Variants in MIPOL1 observed in about 807,000 individuals in gnomAD.
The protein encoded by MIPOL1 is mirror-image polydactyly gene 1 protein.
In MIPOL1, 57 loss-of-function variants were observed where a neutral mutation model predicts 60.9. The ratio of observed to expected loss-of-function variants is 0.94; its 90% CI spans 0.76 to 1.17. MIPOL1 has a LOEUF of 1.17. Ranked by LOEUF, MIPOL1 falls within the 50% of genes most tolerant of loss-of-function variation. The pLI, the probability that MIPOL1 is intolerant of heterozygous loss-of-function variation, is 0.00. For missense variants in MIPOL1, 551 were observed against 511.6 expected, an observed-to-expected ratio of 1.08 and a Z score of -0.74; for synonymous variants, 179 against 168.8, an observed-to-expected ratio of 1.06 and a Z score of -0.47.
At chr14:37,379,791 T>C (rs2092878099) in intron 10 of MIPOL1, among the ~76,000 whole-genome samples, 1 of 152,084 alleles carries the variant, frequency 6.6e-6, no homozygotes, top group Admixed American at 6.6e-5. Context: ...AGCTCAGTTA[T>C]TAAGTAAAAG....
intron 11 of MIPOL1, among the ~76,000 whole-genome samples, chr14:37,459,166 C>G (rs1163659612): frequency 6.6e-6 from 1 of 151,670 alleles, no homozygotes; most frequent in African/African-American, 2.4e-5. Context: ...AATAACAAAG[C>G]TCAGAGCAGA....
chr14:37,392,331 A>G (rs1044571085), intron 10 of MIPOL1, among the ~76,000 whole-genome samples: 7 of 152,052 alleles, frequency 4.6e-5, no homozygotes, highest in Admixed American at 2.6e-4. Flanking sequence ...CACTATTACA[A>G]TGGTATTAGT....
intron 4 of MIPOL1, among the ~76,000 whole-genome samples, chr14:37,267,609 G>A (rs185477692): frequency 5.3e-4 from 80 of 152,050 alleles, no homozygotes; most frequent in African/African-American, 1.9e-3. Flanking sequence ...AGAACTTGGC[G>A]AATCTACCAG....
intron 7 of MIPOL1, among the ~76,000 whole-genome samples, chr14:37,305,762 A>T (rs536661018): frequency 6.6e-6 from 1 of 151,748 alleles, no homozygotes; most frequent in Non-Finnish European, 1.5e-5. Flanking sequence ...TCATTTTTTT[A>T]TTTTAACCAG....
In MIPOL1 at chr14:37,369,552, A is replaced by C; in HGVS notation, c.864A>C (p.Lys288Asn). The part of the protein sequence containing the change: ...KRLEQELHHV[K>N]EQNQTSANNM... ...TAGAGCAGGAGCTTCATCATGTGAAAGAGCAGAACCAGACTTCAGCAAACA... is the reference window on the plus strand; with the variant it reads ...TAGAGCAGGAGCTTCATCATGTGAACGAGCAGAACCAGACTTCAGCAAACA... The change falls in exon 10 of 13, where the codon AAA becomes AAC. Residue 288 changes from lysine to asparagine, a missense_variant. By Grantham distance (94) the Lys-to-Asn change is moderately conservative (BLOSUM62 0). Coordinates refer to ENST00000684589, the MANE Select transcript of MIPOL1 (RefSeq NM_001388067.1). 1 of 1,613,528 alleles carries C rather than the reference A, an allele frequency of 6.2e-7. No homozygotes were observed. Among genetic ancestry groups the C allele is most frequent in the Non-Finnish European group, 8.5e-7 (1 of 1,179,600 alleles).
At chr14:37,351,141 G>A (rs1446421702) in intron 9 of MIPOL1, among the ~76,000 whole-genome samples, 3 of 143,858 alleles carry the variant, frequency 2.1e-5, no homozygotes, top group Admixed American at 7.2e-5. Context: ...TCCCACCTAT[G>A]AGTGAGAATA....
chr14:37,529,501 C>T (rs1378248580), intron 12 of MIPOL1, among the ~76,000 whole-genome samples: 1 of 152,046 alleles, frequency 6.6e-6, no homozygotes, highest in Non-Finnish European at 1.5e-5. Flanking sequence ...TTAAAAGTAT[C>T]TGGTATCTTG....
At chr14:37,336,097 A>G (rs1028722560) in intron 9 of MIPOL1, among the ~76,000 whole-genome samples, 7 of 117,286 alleles carry the variant, frequency 6.0e-5, no homozygotes, top group Non-Finnish European at 8.3e-5. Context: ...TAAGGGTCCA[A>G]ATTCATGGTT....
intron 12 of MIPOL1, among the ~76,000 whole-genome samples, chr14:37,524,758 C>T (rs536834536): frequency 1.4e-4 from 21 of 151,302 alleles, no homozygotes; most frequent in African/African-American, 2.4e-4. Context: ...TTAGTAGAGA[C>T]GGGGTTTCAC....
At chr14:37,407,198 T>G (rs1367258609) in intron 10 of MIPOL1, among the ~76,000 whole-genome samples, 1 of 152,034 alleles carries the variant, frequency 6.6e-6, no homozygotes, top group Non-Finnish European at 1.5e-5. Context: ...ACCTCTGGAG[T>G]TAATGACAAT....
intron 10 of MIPOL1, among the ~76,000 whole-genome samples, chr14:37,422,090 A>G (rs1266865655): frequency 6.6e-6 from 1 of 152,074 alleles, no homozygotes; most frequent in African/African-American, 2.4e-5. Context: ...AAGTTACTTG[A>G]AAACTGTTTT....
intron 9 of MIPOL1, among the ~76,000 whole-genome samples, chr14:37,356,875 G>T (rs1380855352): frequency 6.6e-6 from 1 of 152,172 alleles, no homozygotes; most frequent in Non-Finnish European, 1.5e-5. Context: ...TTCCCCGTCG[G>T]CCACGCTGGG....
At chr14:37,321,452 A>G (rs916565201) in intron 9 of MIPOL1, among the ~76,000 whole-genome samples, 1 of 152,024 alleles carries the variant, frequency 6.6e-6, no homozygotes, top group Non-Finnish European at 1.5e-5. Flanking sequence ...GTGAGAAAAT[A>G]TAAGCTATAC....
At chr14:37,432,022 C>A (rs2094080071) in intron 11 of MIPOL1, among the ~76,000 whole-genome samples, 1 of 152,150 alleles carries the variant, frequency 6.6e-6, no homozygotes, top group African/African-American at 2.4e-5. Flanking sequence ...TTTGTGCACT[C>A]CCAAAATAGA....
At chr14:37,208,694 A>G (rs953614982) in intron 1 of MIPOL1, among the ~76,000 whole-genome samples, 1 of 152,176 alleles carries the variant, frequency 6.6e-6, no homozygotes, top group African/African-American at 2.4e-5. Flanking sequence ...CCTGGGTTCA[A>G]GTGATTCTCC....
At chr14:37,524,830 A>C in intron 12 of MIPOL1, among the ~76,000 whole-genome samples, 1 of 151,834 alleles carries the variant, frequency 6.6e-6, no homozygotes, top group East Asian at 1.9e-4. Context: ...AGCCTCCCAA[A>C]GTGCTGGGAT....
intron 9 of MIPOL1, among the ~76,000 whole-genome samples, chr14:37,366,292 G>A (rs971382698): frequency 1.3e-5 from 2 of 151,692 alleles, no homozygotes; most frequent in Admixed American, 6.6e-5. Context: ...GGCTCTTACC[G>A]CTATAAACTT....
At chr14:37,307,991 G>A (rs2086929743) in intron 7 of MIPOL1, 65 bp from the exon 8 acceptor site, 1 of 1,356,270 alleles carries the variant, frequency 7.4e-7, no homozygotes, top group Non-Finnish European at 1.0e-6. Flanking sequence ...GATTTAAAAA[G>A]CGAACTCATT....
At chr14:37,476,615 G>A (rs2153594676) in intron 11 of MIPOL1, among the ~76,000 whole-genome samples, 1 of 152,134 alleles carries the variant, frequency 6.6e-6, no homozygotes, top group Non-Finnish European at 1.5e-5. Flanking sequence ...CCTATTTCTA[G>A]GTTGCTGAGA....
Sources: gnomAD v4.1 joint callset for allele counts (sites outside exome capture counted in the v4.1 genomes callset) on GRCh38, gnomAD v4.1.1 for gene constraint, MANE v1.5 for transcripts, NCBI Gene and HGNC (gene_info 2026-07-23, HGNC 2026-07-21) for gene names.